Variants in CACNA2D2 observed in about 807,000 individuals in gnomAD.
The protein encoded by CACNA2D2 is calcium voltage-gated channel auxiliary subunit alpha2delta 2.
CACNA2D2 carries 48 observed loss-of-function variants against 166.4 expected under a neutral mutation model. That is an observed-to-expected ratio of 0.29 (90% CI 0.23 to 0.37). CACNA2D2 has a LOEUF of 0.37. Among genes scored for constraint, CACNA2D2 ranks in the 10% least tolerant of loss-of-function variants. The pLI is 1.00. For synonymous variants in CACNA2D2, 561 were observed against 573.7 expected (o/e 0.98, Z 0.32); for missense variants, 1,122 against 1,433.0 (o/e 0.78, Z 3.50).
intron 2 of CACNA2D2, among the ~76,000 whole-genome samples, chr3:50,441,279 A>G (rs976511761): frequency 6.6e-6 from 1 of 151,120 alleles, no homozygotes; most frequent in African/African-American, 2.4e-5. Flanking sequence ...CCCCACCACC[A>G]CCCCCAGCAA....
chr3:50,465,098 GAGGAGGAGGCCACTCC>G (rs1225914610), intron 2 of CACNA2D2, among the ~76,000 whole-genome samples: 4 of 152,236 alleles, frequency 2.6e-5, no homozygotes, highest in African/African-American at 9.6e-5. Flanking sequence ...ATCCTTCCCG[GAGGAGGAGGCCACTCC>G]AGCAGGCGGC....
intron 2 of CACNA2D2, among the ~76,000 whole-genome samples, chr3:50,473,151 A>T (rs575179509): frequency 1.1e-4 from 16 of 152,204 alleles, no homozygotes; most frequent in Non-Finnish European, 1.8e-4. Context: ...TAGATGAGGA[A>T]ATGAGATGAG....
At chr3:50,423,856 C>A (rs1015082345) in intron 3 of CACNA2D2, among the ~76,000 whole-genome samples, 8 of 152,236 alleles carry the variant, frequency 5.3e-5, no homozygotes, top group African/African-American at 1.9e-4. Context: ...GGGGACAGGG[C>A]CCTTGACAAG....
chr3:50,488,436 G>A (rs574402197), intron 1 of CACNA2D2, among the ~76,000 whole-genome samples: 10 of 152,190 alleles, frequency 6.6e-5, no homozygotes, highest in South Asian at 2.1e-4. Context: ...GGGCCCGGGT[G>A]CAGAGCCTCT....
Position 50,366,375 on chromosome 3 carries a change from G to T in CACNA2D2, c.2638-37C>A. On this transcript the variant is annotated intron_variant, in intron 30 of 37. Coordinates refer to ENST00000424201, the MANE Select transcript of CACNA2D2 (RefSeq NM_006030.4). The surrounding 1 kb of genome is among the most constrained non-coding windows in gnomAD (Gnocchi z 5.9). ...GGAATGGGGAGGAAAATGGAGAGGG[G>T]CTGGGCCCCGGACCTTCCACCGCAG... 6.2e-7 allele frequency: 1 copy of T among 1,604,590 alleles called. No homozygotes were observed. The highest frequency in any genetic ancestry group is 1.7e-5 in the Admixed American group (1 of 60,012).
Position 50,366,134 on chromosome 3 carries a change from G to A in CACNA2D2, c.2739C>T (p.Ala913=). 6.2e-7 allele frequency: 1 copy of A among 1,613,960 alleles called. No homozygotes were observed. Among genetic ancestry groups the A allele is most frequent in the Non-Finnish European group, 8.5e-7 (1 of 1,179,992 alleles). Residue 913 remains alanine, a synonymous_variant, in exon 32 of 38, where the codon GCC becomes GCT. Transcript: ENST00000424201. The surrounding 1 kb of genome is among the most constrained non-coding windows in gnomAD (Gnocchi z 5.9). Reference sequence around the variant, plus strand: ...TATTGTAGAGTGCCAGCATCAGGTTGGCATCCACCTCACTGAAGAACCTGC... The same window carrying A: ...TATTGTAGAGTGCCAGCATCAGGTTAGCATCCACCTCACTGAAGAACCTGC... ...QVGRFFSEVD[A]NLMLALYNNS...
At chr3:50,384,152 C>G (rs767599316) in intron 6 of CACNA2D2, 44 bp downstream of exon 6, 3 of 1,604,804 alleles carry the variant, frequency 1.9e-6, no homozygotes, top group South Asian at 2.2e-5. Flanking sequence ...GGCCTGCCCC[C>G]ACAGCAGGTG....
Position 50,379,072 on chromosome 3 carries a change from C to T in CACNA2D2, c.1260+20G>A, listed in dbSNP as rs587741526. 2.7e-5 allele frequency: 44 copies of T among 1,613,608 alleles called. No homozygotes were observed. In the African/African-American group the frequency reaches 5.3e-4, roughly 20 times the overall value. ...TACTGGGCCCAGGTCAGGGTAGCCCCTGCCTCGGTTGAGCCTCACCGTCCG... is the reference window on the plus strand; with the variant it reads ...TACTGGGCCCAGGTCAGGGTAGCCCTTGCCTCGGTTGAGCCTCACCGTCCG... On this transcript the variant is annotated intron_variant, in intron 12 of 37. Coordinates refer to ENST00000424201, the MANE Select transcript of CACNA2D2 (RefSeq NM_006030.4). The surrounding 1 kb of genome is among the most constrained non-coding windows in gnomAD (Gnocchi z 6.5).
intron 1 of CACNA2D2, among the ~76,000 whole-genome samples, chr3:50,502,220 C>T (rs1488524478): frequency 2.0e-5 from 3 of 152,178 alleles, no homozygotes; most frequent in Admixed American, 6.5e-5. Context: ...GCCCCAGTCT[C>T]CAGGCCAGGA....
At chr3:50,441,031 G>A (rs2106918627) in intron 2 of CACNA2D2, among the ~76,000 whole-genome samples, 1 of 152,078 alleles carries the variant, frequency 6.6e-6, no homozygotes, top group African/African-American at 2.4e-5. Context: ...ATAAGGGACT[G>A]CTCAGTGGCT....
chr3:50,471,079 C>G (rs1013388735), intron 2 of CACNA2D2, among the ~76,000 whole-genome samples: 1 of 151,436 alleles, frequency 6.6e-6, no homozygotes, highest in African/African-American at 2.4e-5. Context: ...GCCCCCCACC[C>G]TGATGCGCCC....
rs1026681157 is a variant in CACNA2D2, at chr3:50,379,860, G to A, written c.894-36C>T. The A allele has an allele frequency of 1.2e-6, 2 of 1,612,370 alleles. No homozygotes were observed. Among genetic ancestry groups the A allele is most frequent in the East Asian group, 4.5e-5 (2 of 44,862 alleles). The stretch of plus-strand genomic sequence containing the variant: ...CAGGCAGGGGACGTGGAGGAGCCAG[G>A]GGAACCTCACGTGTTCTCCTGCCCA... On this transcript the variant is annotated intron_variant, in intron 9 of 37. Coordinates refer to ENST00000424201, the MANE Select transcript of CACNA2D2 (RefSeq NM_006030.4). This position sits in a 1 kb window ranked among gnomAD's most constrained non-coding sequence, Gnocchi z 6.5.
chr3:50,432,846 G>C (rs1182312075), intron 3 of CACNA2D2, among the ~76,000 whole-genome samples: 3 of 152,240 alleles, frequency 2.0e-5, no homozygotes, highest in African/African-American at 7.2e-5. Context: ...GGGGACAGCA[G>C]GGCCCAGCTC....
In CACNA2D2 at chr3:50,385,945, G is replaced by A. The variant is rs76187399; in HGVS notation, c.511-1608C>T. Among the ~76,000 whole-genome samples, 4 of 152,294 alleles carry A rather than the reference G, an allele frequency of 2.6e-5. No individual in the cohort carries two copies. In the East Asian group the frequency reaches 7.7e-4, roughly 29 times the overall value. On this transcript the variant is annotated intron_variant, in intron 5 of 37. Transcript: ENST00000424201. ...CTGTTCTGATAAGCTATCAGCTGGC[G>A]AACTTCTTCCTTCCTTTTCTTTCCC...
At chr3:50,396,508 T>C (rs914487894) in intron 3 of CACNA2D2, among the ~76,000 whole-genome samples, 2 of 152,168 alleles carry the variant, frequency 1.3e-5, no homozygotes, top group Non-Finnish European at 2.9e-5. Context: ...GAGCCTCCTC[T>C]TGACCTAAAC....
intron 3 of CACNA2D2, among the ~76,000 whole-genome samples, chr3:50,396,504 C>T (rs1198152360): frequency 6.6e-6 from 1 of 152,196 alleles, no homozygotes; most frequent in Non-Finnish European, 1.5e-5. Flanking sequence ...CCTGGAGCCT[C>T]CTCTTGACCT....
rs1455152315 is a variant in CACNA2D2 at position 50,364,578 on chromosome 3, G to C, written c.*88C>G. Reference sequence around the variant, plus strand: ...GGTCCTTCAGTGAGGGAGGGACGAGGCTCTAAGGCGGGGAGTGTGGGGCAG... The same window carrying C: ...GGTCCTTCAGTGAGGGAGGGACGAGCCTCTAAGGCGGGGAGTGTGGGGCAG... On this transcript the variant is annotated 3_prime_UTR_variant, in exon 38 of 38. Transcript: ENST00000424201. 11 of 1,393,006 alleles carry C rather than the reference G, an allele frequency of 7.9e-6. No individual in the cohort carries two copies. The East Asian group carries it at 2.5e-4, about 32-fold the overall frequency. The allele number at this position is 1,393,006 out of a possible 1,614,324, so 86.3% of individuals were successfully genotyped here. A position where few individuals can be genotyped will look rare whatever the true frequency, so the allele number is the denominator to read the frequency against.
intron 5 of CACNA2D2, among the ~76,000 whole-genome samples, chr3:50,386,722 A>AG (rs1252338349): frequency 6.6e-6 from 1 of 152,194 alleles, no homozygotes; most frequent in Non-Finnish European, 1.5e-5. Context: ...CGCAGGCCTA[A>AG]GAGAGGAAGA....
At chr3:50,472,889 G>C (rs1194856221) in intron 2 of CACNA2D2, among the ~76,000 whole-genome samples, 1 of 152,194 alleles carries the variant, frequency 6.6e-6, no homozygotes, top group Non-Finnish European at 1.5e-5. Context: ...GGACAATATG[G>C]TGCTGAAGTG....
Sources: allele counts gnomAD v4.1 joint callset (sites outside exome capture counted in the v4.1 genomes callset), GRCh38; gene constraint gnomAD v4.1.1; non-coding constraint Gnocchi (gnomAD v3.1); transcripts MANE v1.5; gene names NCBI Gene and HGNC (gene_info 2026-07-23, HGNC 2026-07-21).